Variants in CEP76 observed in about 807,000 individuals in gnomAD.
CEP76 encodes centrosomal protein 76, also known as centrosomal protein of 76 kDa.
In CEP76, 55 loss-of-function variants were observed where a neutral mutation model predicts 83.3. The ratio of observed to expected loss-of-function variants is 0.66; its 90% confidence interval spans 0.53 to 0.83. CEP76 has a LOEUF of 0.83. Among genes scored for constraint, CEP76 ranks in the 40% least tolerant of loss-of-function variants. The pLI is 0.00. For missense variants in CEP76, 694 were observed against 799.5 expected, an observed-to-expected ratio of 0.87 and a Z score of 1.59; for synonymous variants, 270 against 274.5, an observed-to-expected ratio of 0.98 and a Z score of 0.16.
At chr18:12,693,550 C>T (rs1023482637) in intron 6 of CEP76, among the ~76,000 whole-genome samples, 1 of 152,026 alleles carries the variant, frequency 6.6e-6, no homozygotes, top group Non-Finnish European at 1.5e-5. Context: ...TTTGGGAGGC[C>T]GAGGCAGGCA....
chr18:12,674,443 A>T, intron 11 of CEP76, 93 bp downstream of exon 11: 5 of 172,660 alleles, frequency 2.9e-5, no homozygotes, highest in African/African-American at 3.6e-5. Flanking sequence ...CCTTGAGTTA[A>T]AAAAAAAAAA....
chr18:12,691,534 A>G, intron 6 of CEP76, 47 bp from the exon 7 acceptor site: 1 of 1,395,842 alleles, frequency 7.2e-7, no homozygotes, highest in South Asian at 1.3e-5. Context: ...ATTATCTTTA[A>G]TTACTACAAA....
intron 12 of CEP76, chr18:12,662,290 A>G (rs2038707519): frequency 2.6e-6 from 1 of 380,002 alleles, no homozygotes; most frequent in Admixed American, 3.4e-5. Context: ...TATACTTTCA[A>G]AATGTGCTCT....
intron 4 of CEP76, chr18:12,698,755 T>C: frequency 1.8e-6 from 1 of 542,182 alleles, no homozygotes; most frequent in Non-Finnish European, 3.3e-6. Flanking sequence ...TACTAAAGAA[T>C]CAACAATGAA....
rs895031266 is a variant in CEP76 at position 12,690,944 on chromosome 18, C to CA, written c.933+414_933+415insT. ...AAAATATATATATGCCCAGAGCCCC[C>CA]CCCCGTTCTGCACACAAGAGCTGGA... On this transcript the variant is annotated intron_variant, in intron 7 of 11. Coordinates refer to ENST00000262127, the MANE Select transcript of CEP76 (RefSeq NM_024899.4). Among the ~76,000 whole-genome samples, 49 of 151,248 alleles carry CA rather than the reference C, an allele frequency of 3.2e-4. No individual in the cohort carries two copies. In the Middle Eastern group the frequency reaches 0.01, roughly 32 times the overall value.
rs1241690496 is a variant in CEP76 at position 12,696,554 on chromosome 18, T to C, written c.706+669A>G. ...AAATTACTAAGGCTATGCTGTCCAC[T>C]GGCAAGGTTTAACTCTGTGACTAAG... On this transcript the variant is annotated intron_variant, in intron 5 of 11. Coordinates refer to ENST00000262127, the MANE Select transcript of CEP76 (RefSeq NM_024899.4). Among the ~76,000 whole-genome samples the C allele has an allele frequency of 4.6e-5, 7 of 152,258 alleles. No homozygotes were observed. The East Asian group carries it at 1.4e-3, about 29-fold the overall frequency.
At chr18:12,665,788 C>G (rs1598604177) in intron 12 of CEP76, among the ~76,000 whole-genome samples, 1 of 152,270 alleles carries the variant, frequency 6.6e-6, no homozygotes, top group East Asian at 1.9e-4. Context: ...ACCTCTGCCT[C>G]CCAGGCTCAT....
chr18:12,695,180 T>A, intron 6 of CEP76, 74 bp downstream of exon 6: 1 of 554,384 alleles, frequency 1.8e-6, no homozygotes, highest in Non-Finnish European at 3.0e-6. Flanking sequence ...AATAGAGTGC[T>A]TTCTAGGATC....
At chr18:12,678,028 G>T in intron 10 of CEP76, 81 bp downstream of exon 10, 2 of 1,035,008 alleles carry the variant, frequency 1.9e-6, no homozygotes, top group Non-Finnish European at 2.9e-6. Flanking sequence ...ATAGTGACTG[G>T]CACTATCACA....
In CEP76 at chr18:12,691,491, G is replaced by T; in HGVS notation, c.805-4C>A. 1 of 1,574,942 alleles carries T rather than the reference G, an allele frequency of 6.3e-7. No individual in the cohort carries two copies. The highest frequency in any genetic ancestry group is 2.0e-5 in the Admixed American group (1 of 50,378). The stretch of plus-strand genomic sequence containing the variant: ...TTTTCTGACGTTCCAAAGCAAGCTT[G>T]AAATTGAAAAAAATATTTTTCAATT... On this transcript the variant is annotated splice_region_variant and splice_polypyrimidine_tract_variant and intron_variant, in intron 6 of 11. Coordinates refer to ENST00000262127, the MANE Select transcript of CEP76 (RefSeq NM_024899.4).
chr18:12,690,785 TAAAG>T (rs1417251734), intron 7 of CEP76, among the ~76,000 whole-genome samples: 6 of 152,136 alleles, frequency 3.9e-5, no homozygotes. Flanking sequence ...ATTGGTCTGT[TAAAG>T]AGAGAAAATG....
At chr18:12,678,575 T>C (rs1046697939) in intron 9 of CEP76, 133 bp from the exon 10 acceptor site, 8 of 609,650 alleles carry the variant, frequency 1.3e-5, no homozygotes, top group Non-Finnish European at 2.2e-5. Flanking sequence ...TTTTTCTTTT[T>C]TATATTTCCA....
At chr18:12,665,696 T>A (rs895674402) in intron 12 of CEP76, among the ~76,000 whole-genome samples, 12 of 152,000 alleles carry the variant, frequency 7.9e-5, no homozygotes, top group Non-Finnish European at 1.5e-4. Context: ...TTCTTAAAAA[T>A]TTTTTTTTAA....
At chr18:12,678,590 T>G in intron 9 of CEP76, 148 bp from the exon 10 acceptor site, 2 of 588,740 alleles carry the variant, frequency 3.4e-6, no homozygotes, top group South Asian at 2.5e-5. Context: ...TTTCCACAAT[T>G]TGATTACTCT....
intron 5 of CEP76, among the ~76,000 whole-genome samples, 175 bp downstream of exon 5, chr18:12,697,048 T>C (rs1197443737): frequency 2.0e-5 from 3 of 152,214 alleles, no homozygotes; most frequent in Admixed American, 2.0e-4. Flanking sequence ...TATACTGATA[T>C]TATTCTTCAA....
downstream of CEP76, among the ~76,000 whole-genome samples, chr18:12,668,734 CTTTTTT>C (rs543253434): frequency 6.9e-4 from 67 of 96,736 alleles, no homozygotes; most frequent in African/African-American, 2.1e-3. Flanking sequence ...CACTTTATTC[CTTTTTT>C]TTTTTTTTTT....
At chr18:12,682,132 TTTGAG>T (rs2039372546) in intron 8 of CEP76, among the ~76,000 whole-genome samples, 1 of 152,174 alleles carries the variant, frequency 6.6e-6, no homozygotes, top group Non-Finnish European at 1.5e-5. Context: ...AAAATAACTA[TTTGAG>T]TTGAGTGTCC....
At chr18:12,689,698 T>C (rs2039676810) in intron 7 of CEP76, among the ~76,000 whole-genome samples, 1 of 152,154 alleles carries the variant, frequency 6.6e-6, no homozygotes, top group African/African-American at 2.4e-5. Context: ...CTGAGTCCTC[T>C]CTAGTTCCTA....
At position 12,673,437 on chromosome 18, in the gene CEP76, T is replaced by G. The variant is rs2039000700; in HGVS notation, c.1908A>C (p.Arg636=). 6.2e-7 allele frequency: 1 copy of G among 1,600,692 alleles called. No individual in the cohort carries two copies. The highest frequency in any genetic ancestry group is 2.3e-5 in the East Asian group (1 of 44,208). Residue 636 remains arginine (R), a synonymous_variant, in exon 12 of 12, where the codon CGA becomes CGC. Transcript: ENST00000262127. ...ATGCAGATTCAGGGTAAGTAAATAC[T>G]CGGACACGAACTGCCAGTCGCACTT... The part of the protein sequence containing the change: ...GDQVRLAVRV[R]VFTYPESACA...
Sources: gnomAD v4.1 joint callset for allele counts (sites outside exome capture counted in the v4.1 genomes callset) on GRCh38, gnomAD v4.1.1 for gene constraint, MANE v1.5 for transcripts, NCBI Gene and HGNC (gene_info 2026-07-23, HGNC 2026-07-21) for gene names.